XYLB: variants seen among roughly 807,000 people sequenced by gnomAD.
The protein encoded by XYLB is xylulose kinase.
In XYLB, 62 loss-of-function variants were observed where a neutral mutation model predicts 78.7. The observed-to-expected ratio is 0.79, with a 90% CI of 0.64 to 0.97. The LOEUF is 0.97. Ranked by LOEUF, XYLB falls within the 50% of genes least tolerant of loss-of-function variation. XYLB has a pLI of 0.00. For synonymous variants in XYLB, 245 were observed against 247.4 expected, an observed-to-expected ratio of 0.99 and a Z score of 0.09; for missense variants, 687 against 676.8, an observed-to-expected ratio of 1.02 and a Z score of -0.17.
rs763826476 is a variant in XYLB at position 38,414,409 on chromosome 3, C to T, written c.*1396C>T. 9.2e-5 allele frequency: 14 copies of T among 151,998 alleles called. No homozygotes were observed. Among genetic ancestry groups the T allele is most frequent in the Non-Finnish European group, 4.4e-5 (3 of 68,016 alleles). 9.4% of individuals were successfully genotyped at this position (151,998 alleles called of 1,614,324 possible). ...AGATACAACAGCAAGCCCAAGATTC[C>T]GAAGAAGACAGACAACTCCCCCTAG... On this transcript the variant is annotated 3_prime_UTR_variant, in exon 19 of 19. Transcript: ENST00000207870.
At chr3:38,359,025 A>G (rs915151540) in intron 2 of XYLB, among the ~76,000 whole-genome samples, 2 of 152,204 alleles carry the variant, frequency 1.3e-5, no homozygotes, top group Non-Finnish European at 2.9e-5. Flanking sequence ...GAAGACAAAG[A>G]CCCAGAAATA....
intron 18 of XYLB, among the ~76,000 whole-genome samples, chr3:38,411,202 A>C (rs1559622120): frequency 6.6e-6 from 1 of 152,218 alleles, no homozygotes; most frequent in Non-Finnish European, 1.5e-5. Context: ...ATGCAGCCAT[A>C]AAAAAGGATG....
At chr3:38,370,242 A>ACG in intron 9 of XYLB, 68 bp downstream of exon 9, 1 of 713,680 alleles carries the variant, frequency 1.4e-6, no homozygotes, top group South Asian at 1.6e-5. Flanking sequence ...ACTGTAGCGC[A>ACG]CACACACACA....
chr3:38,379,176 G>A, intron 14 of XYLB, 70 bp from the exon 15 acceptor site: 3 of 1,480,810 alleles, frequency 2.0e-6, no homozygotes, highest in Non-Finnish European at 2.8e-6. Context: ...ATCACACACA[G>A]ACACACACAT....
chr3:38,362,185 A>C (rs1706010798), intron 3 of XYLB, among the ~76,000 whole-genome samples: 1 of 152,196 alleles, frequency 6.6e-6, no homozygotes, highest in African/African-American at 2.4e-5. Flanking sequence ...GTGAAGTCAG[A>C]TCACTAATAT....
At chr3:38,350,642 C>T (rs2125546602) in intron 2 of XYLB, among the ~76,000 whole-genome samples, 1 of 152,056 alleles carries the variant, frequency 6.6e-6, no homozygotes, top group Admixed American at 6.5e-5. Context: ...CCCTAGTTTC[C>T]TCAAGTGGAA....
rs573131657 is a variant in XYLB at position 38,414,028 on chromosome 3, C to T, written c.*1015C>T. 6.6e-6 allele frequency: 1 copy of T among 152,148 alleles called. No individual in the cohort carries two copies. Among genetic ancestry groups the T allele is most frequent in the Non-Finnish European group, 1.5e-5 (1 of 68,028 alleles). The allele number at this position is 152,148 out of a possible 1,614,324, so 9.4% of individuals were successfully genotyped here. On this transcript the variant is annotated 3_prime_UTR_variant, in exon 19 of 19. Coordinates refer to ENST00000207870, the MANE Select transcript of XYLB (RefSeq NM_005108.4). ...ATCCCTCCTGTTTTACTTTATACCT[C>T]TCTATTCCTTGCTCAAATTATTGCA...
chr3:38,367,917 T>A (rs1342693472), intron 7 of XYLB, among the ~76,000 whole-genome samples: 3 of 152,184 alleles, frequency 2.0e-5, no homozygotes, highest in Non-Finnish European at 4.4e-5. Flanking sequence ...CCCTTTCTCA[T>A]AGGGCTTTTG....
intron 15 of XYLB, among the ~76,000 whole-genome samples, chr3:38,386,952 A>G (rs1209852373): frequency 6.6e-6 from 1 of 152,138 alleles, no homozygotes; most frequent in African/African-American, 2.4e-5. Context: ...ATGTCATTTC[A>G]TTGTTTTCTT....
intron 15 of XYLB, among the ~76,000 whole-genome samples, chr3:38,382,565 C>T (rs1301877847): frequency 1.3e-5 from 2 of 152,140 alleles, no homozygotes; most frequent in Non-Finnish European, 2.9e-5. Context: ...GCCCTCATCC[C>T]ACCACCCTAA....
chr3:38,434,171 A>G, the XYLB span, among the ~76,000 whole-genome samples: 402 of 152,246 alleles, frequency 2.6e-3, 1 homozygote, highest in African/African-American at 9.1e-3. Context: ...AATAATCTCC[A>G]CCTGGTCCTG....
downstream of XYLB, among the ~76,000 whole-genome samples, chr3:38,423,055 TC>T (rs1474837059): frequency 6.6e-6 from 1 of 152,100 alleles, no homozygotes; most frequent in Non-Finnish European, 1.5e-5. Context: ...CCCCTGGAAT[TC>T]TCCACTCTTT....
chr3:38,362,246 T>TTTTGA (rs1706013388), intron 3 of XYLB, among the ~76,000 whole-genome samples: 1 of 152,182 alleles, frequency 6.6e-6, no homozygotes, highest in Non-Finnish European at 1.5e-5. Context: ...TGCCTTACTT[T>TTTTGA]GTTAGTTTTT....
At chr3:38,363,245 A>C (rs746115393) in intron 4 of XYLB, among the ~76,000 whole-genome samples, 49 of 152,342 alleles carry the variant, frequency 3.2e-4, no homozygotes, top group Non-Finnish European at 5.0e-4. Flanking sequence ...GTATTATATA[A>C]AATAGGACGC....
intron 15 of XYLB, among the ~76,000 whole-genome samples, chr3:38,382,153 T>A (rs1707177622): frequency 1.3e-5 from 2 of 152,154 alleles, no homozygotes; most frequent in South Asian, 4.2e-4. Flanking sequence ...CGGGGCAGGT[T>A]CCCCGATAAT....
chr3:38,398,510 C>T (rs762714401), intron 17 of XYLB, among the ~76,000 whole-genome samples: 3 of 151,938 alleles, frequency 2.0e-5, no homozygotes, highest in Non-Finnish European at 4.4e-5. Flanking sequence ...CATTTATTCT[C>T]TCCCCACCCC....
chr3:38,385,275 A>G (rs1313074616), intron 15 of XYLB, among the ~76,000 whole-genome samples: 1 of 152,170 alleles, frequency 6.6e-6, no homozygotes. Flanking sequence ...CTGGGATTGT[A>G]ACCTCCACTT....
chr3:38,416,237 G>C (rs1708789520), downstream of XYLB, among the ~76,000 whole-genome samples: 1 of 152,162 alleles, frequency 6.6e-6, no homozygotes, highest in Non-Finnish European at 1.5e-5. Flanking sequence ...ACTCCTTGTT[G>C]CTTAGGCAAT....
intron 2 of XYLB, among the ~76,000 whole-genome samples, chr3:38,349,440 T>A (rs1559567141): frequency 6.6e-6 from 1 of 152,214 alleles, no homozygotes; most frequent in Non-Finnish European, 1.5e-5. Flanking sequence ...GAGAACAGAT[T>A]CGGAGCATTG....
Sources: gnomAD v4.1 joint callset for allele counts (sites outside exome capture counted in the v4.1 genomes callset) on GRCh38, gnomAD v4.1.1 for gene constraint, MANE v1.5 for transcripts, NCBI Gene and HGNC (gene_info 2026-07-23, HGNC 2026-07-21) for gene names.